TRMT9B: variants seen among roughly 807,000 people sequenced by gnomAD.
TRMT9B encodes the protein probable tRNA methyltransferase 9B.
In TRMT9B, 16 loss-of-function variants were observed where a neutral mutation model predicts 11.5. The observed-to-expected ratio is 1.39, with a 90% confidence interval of 0.94 to 2.11. The LOEUF (loss-of-function observed/expected upper bound fraction) is 2.11, where lower values mean the gene tolerates loss of function less well. Ranked by LOEUF, TRMT9B falls within the 30% of genes most tolerant of loss-of-function variation. The pLI is 0.00. For missense variants in TRMT9B, 941 were observed against 553.8 expected, an observed-to-expected ratio of 1.70 and a Z score of -7.02; for synonymous variants, 274 against 192.4, an observed-to-expected ratio of 1.42 and a Z score of -3.51.
intron 4 of TRMT9B, among the ~76,000 whole-genome samples, chr8:13,014,349 G>C (rs969741263): frequency 6.6e-6 from 1 of 152,144 alleles, no homozygotes; most frequent in East Asian, 1.9e-4. Context: ...CCGTTCTGGA[G>C]GCTGGACATC....
At chr8:12,966,978 A>G (rs1448718834) in intron 1 of TRMT9B, among the ~76,000 whole-genome samples, 1 of 152,232 alleles carries the variant, frequency 6.6e-6, no homozygotes, top group Admixed American at 6.5e-5. Flanking sequence ...AGGGCTAGGT[A>G]GTACTCTAGT....
chr8:12,977,287 G>A (rs114023737), intron 1 of TRMT9B, among the ~76,000 whole-genome samples: 2 of 152,316 alleles, frequency 1.3e-5, no homozygotes, highest in South Asian at 2.1e-4. Flanking sequence ...AGATCAGCCT[G>A]GAGAGGAGAG....
intron 2 of TRMT9B, among the ~76,000 whole-genome samples, chr8:12,995,267 C>G (rs1027438398): frequency 3.3e-5 from 5 of 152,182 alleles, no homozygotes; most frequent in Admixed American, 3.3e-4. Flanking sequence ...CAGTTAGAAG[C>G]AGTCAAAATG....
At chr8:12,967,179 T>C (rs1802935608) in intron 1 of TRMT9B, among the ~76,000 whole-genome samples, 1 of 152,210 alleles carries the variant, frequency 6.6e-6, no homozygotes, top group African/African-American at 2.4e-5. Context: ...TTTGTTCTCT[T>C]TCTGAAATGA....
chr8:12,969,051 A>G (rs1803215278), intron 1 of TRMT9B, among the ~76,000 whole-genome samples: 1 of 152,146 alleles, frequency 6.6e-6, no homozygotes, highest in Non-Finnish European at 1.5e-5. Flanking sequence ...ATCTCTACTA[A>G]TAATAGAAAA....
At position 13,028,220 on chromosome 8, in the gene TRMT9B, A is replaced by G. The variant is rs1814933129; in HGVS notation, c.*6176A>G. 1 of 167,098 alleles carries G rather than the reference A, an allele frequency of 6.0e-6. No individual in the cohort carries two copies. The highest frequency in any genetic ancestry group is 2.4e-5 in the African/African-American group (1 of 41,456). The allele number at this position is 167,098 out of a possible 1,614,324, so 10.4% of individuals were successfully genotyped here. On this transcript the variant is annotated 3_prime_UTR_variant, in exon 5 of 5. Transcript: ENST00000524591. ...GTTGATTATACACAGATAATCAATGACTTTATTTGGGAGGGATTGGAGCTA... is the reference window on the plus strand; with the variant it reads ...GTTGATTATACACAGATAATCAATGGCTTTATTTGGGAGGGATTGGAGCTA...
chr8:12,953,084 C>A (rs908721031), intron 1 of TRMT9B, among the ~76,000 whole-genome samples: 1 of 152,156 alleles, frequency 6.6e-6, no homozygotes, highest in East Asian at 1.9e-4. Context: ...TGATGTGAGC[C>A]CACAATGCTC....
intron 1 of TRMT9B, among the ~76,000 whole-genome samples, chr8:12,975,927 A>C (rs1804375472): frequency 6.6e-6 from 1 of 152,154 alleles, no homozygotes; most frequent in Admixed American, 6.5e-5. Context: ...GGCAATAAAC[A>C]AGCATCAACA....
intron 1 of TRMT9B, among the ~76,000 whole-genome samples, chr8:12,981,255 T>C (rs757221250): frequency 8.5e-5 from 13 of 152,226 alleles, no homozygotes; most frequent in Non-Finnish European, 1.8e-4. Flanking sequence ...CACGTTGATT[T>C]ACACTCTGGT....
intron 1 of TRMT9B, among the ~76,000 whole-genome samples, chr8:12,976,834 G>A (rs1269203947): frequency 6.6e-6 from 1 of 152,144 alleles, no homozygotes; most frequent in East Asian, 1.9e-4. Flanking sequence ...ACCCAGGAAA[G>A]AGCTGCCCAG....
rs186731632 is a variant in TRMT9B, at chr8:12,954,862, T to G, written c.-200+8896T>G. ...TTCTAACCACTCAAAGAAGACATTT[T>G]AAGAGTTTGAACTAGATCACCTGGA... On this transcript the variant is annotated intron_variant, in intron 1 of 4. Coordinates refer to ENST00000524591, the MANE Select transcript of TRMT9B (RefSeq NM_020844.3). 4.6e-3 allele frequency among the ~76,000 whole-genome samples: 704 copies of G among 152,308 alleles called. 2 individuals carry two copies. Among genetic ancestry groups the G allele is most frequent in the Non-Finnish European group, 8.0e-3 (547 of 68,020 alleles).
At chr8:12,979,455 G>A (rs375425553) in intron 1 of TRMT9B, among the ~76,000 whole-genome samples, 6 of 151,046 alleles carry the variant, frequency 4.0e-5, no homozygotes, top group South Asian at 2.1e-4. Context: ...CAGGCTGGGC[G>A]ACAGGATAAG....
At chr8:13,017,228 G>T (rs1476417503) in intron 4 of TRMT9B, among the ~76,000 whole-genome samples, 2 of 152,214 alleles carry the variant, frequency 1.3e-5, no homozygotes, top group Non-Finnish European at 2.9e-5. Flanking sequence ...GTTTAGAGAG[G>T]CGAGGCATGT....
intron 1 of TRMT9B, chr8:12,951,676 G>A (rs1157509375): frequency 6.6e-6 from 1 of 152,058 alleles, no homozygotes; most frequent in Non-Finnish European, 1.5e-5. Context: ...GAGCCCGAGC[G>A]CCGCCTCCCG....
chr8:12,992,284 A>T (rs1052261061), intron 2 of TRMT9B, among the ~76,000 whole-genome samples: 2 of 152,204 alleles, frequency 1.3e-5, no homozygotes, highest in African/African-American at 4.8e-5. Flanking sequence ...ATTTGGGAAC[A>T]TATACAGAGT....
At position 13,012,167 on chromosome 8, in the gene TRMT9B, T is replaced by C. The variant is rs112177545; in HGVS notation, c.155-517T>C. ...AAATATTCAATAAATGTTATTTTTT[T>C]CCTATTGCCTTTCTCTCTTCTATAT... On this transcript the variant is annotated intron_variant, in intron 3 of 4. Transcript: ENST00000524591. 1.3e-4 allele frequency: 130 copies of C among 985,492 alleles called. 1 individual carries two copies. The African/African-American group carries it at 2.1e-3, about 16-fold the overall frequency. The allele number at this position is 985,492 out of a possible 1,614,324, so 61.0% of individuals were successfully genotyped here. A position where few individuals can be genotyped will look rare whatever the true frequency, so the allele number is the denominator to read the frequency against.
Position 13,022,095 on chromosome 8 carries a change from T to G in TRMT9B, c.*51T>G, listed in dbSNP as rs1814061473. The G allele has an allele frequency of 2.2e-5, 29 of 1,322,704 alleles. No homozygotes were observed. The highest frequency in any genetic ancestry group is 1.9e-4 in the Middle Eastern group (1 of 5,298). 81.9% of individuals were successfully genotyped at this position (1,322,704 alleles called of 1,614,324 possible). ...AAAAGATGAACCACATTCTTTCCTCTTGGTTTGATATGGTTACCTGAATTT... is the reference window on the plus strand; with the variant it reads ...AAAAGATGAACCACATTCTTTCCTCGTGGTTTGATATGGTTACCTGAATTT... On this transcript the variant is annotated 3_prime_UTR_variant, in exon 5 of 5. Coordinates refer to ENST00000524591, the MANE Select transcript of TRMT9B (RefSeq NM_020844.3).
chr8:12,963,241 G>A (rs1346884707), intron 1 of TRMT9B, among the ~76,000 whole-genome samples: 1 of 152,088 alleles, frequency 6.6e-6, no homozygotes, highest in East Asian at 1.9e-4. Flanking sequence ...AGACCAGCTG[G>A]CCAATATAGT....
At position 13,017,974 on chromosome 8, in the gene TRMT9B, C is replaced by T. The variant is rs531728978; in HGVS notation, c.329-3034C>T. ...GGCTTAAAGGCTGTTACTTATTACA[C>T]TTTAAGTATAAATATAAAACATAAT... is the stretch of plus-strand genomic sequence containing the variant. On this transcript the variant is annotated intron_variant, in intron 4 of 4. Coordinates refer to ENST00000524591, the MANE Select transcript of TRMT9B (RefSeq NM_020844.3). Among the ~76,000 whole-genome samples, 3 of 151,296 alleles carry T rather than the reference C, an allele frequency of 2.0e-5. No individual in the cohort carries two copies. The East Asian group carries it at 5.8e-4, about 29-fold the overall frequency.
Sources: allele counts gnomAD v4.1 joint callset (sites outside exome capture counted in the v4.1 genomes callset), GRCh38; gene constraint gnomAD v4.1.1; transcripts MANE v1.5; gene names NCBI Gene and HGNC (gene_info 2026-07-23, HGNC 2026-07-21).